DSG4: variants seen among roughly 807,000 people sequenced by gnomAD.
The protein encoded by DSG4 is desmoglein 4.
A neutral mutation model predicts 93.1 loss-of-function variants in DSG4; 87 were observed. That is an observed-to-expected ratio of 0.93 (90% CI 0.79 to 1.12). DSG4 has a LOEUF of 1.12. DSG4 is among the 50% of genes most tolerant of loss of function. DSG4 has a pLI of 0.00. For missense variants in DSG4, 1,373 were observed against 1,285.7 expected (o/e 1.07, Z -1.04); for synonymous variants, 432 against 452.9 (o/e 0.95, Z 0.59).
rs2072449028 is a variant in DSG4, at chr18:31,408,246, T to C, written c.1934-1206T>C. On this transcript the variant is annotated intron_variant, in intron 12 of 15. Coordinates refer to ENST00000308128, the MANE Select transcript of DSG4 (RefSeq NM_177986.5). ...CCAAATGAGATTACACATACAGTAA[T>C]TGTATTGGGTATGTGCTAAAAACAC... Among the ~76,000 whole-genome samples the C allele has an allele frequency of 2.0e-5, 3 of 152,272 alleles. 1 individual carries two copies. Among genetic ancestry groups the C allele is most frequent in the African/African-American group, 7.2e-5 (3 of 41,560 alleles).
intron 14 of DSG4, 52 bp from the exon 15 acceptor site, chr18:31,411,179 T>C (rs780164924): frequency 2.5e-6 from 4 of 1,614,130 alleles, no homozygotes; most frequent in Non-Finnish European, 3.4e-6. Flanking sequence ...TTTAGGCAGA[T>C]GCGCGCTGCA....
At chr18:31,402,674 G>C (rs192644366) in intron 10 of DSG4, among the ~76,000 whole-genome samples, 50 of 147,136 alleles carry the variant, frequency 3.4e-4, no homozygotes, top group African/African-American at 1.2e-3. Flanking sequence ...TTAAAAGCGA[G>C]AAAGCTAAGA....
intron 1 of DSG4, among the ~76,000 whole-genome samples, chr18:31,384,792 T>G (rs561384805): frequency 1.7e-4 from 26 of 152,278 alleles, no homozygotes; most frequent in African/African-American, 6.0e-4. Flanking sequence ...CAATTCCTCT[T>G]ATCAAACTAG....
intron 1 of DSG4, among the ~76,000 whole-genome samples, chr18:31,377,395 A>T (rs2072088449): frequency 6.6e-6 from 1 of 152,172 alleles, no homozygotes; most frequent in African/African-American, 2.4e-5. Context: ...AAAGTGGAGG[A>T]ATGATAGCCA....
intron 10 of DSG4, 121 bp from the exon 11 acceptor site, chr18:31,403,295 G>C (rs2072388585): frequency 2.4e-6 from 2 of 848,774 alleles, no homozygotes; most frequent in Admixed American, 2.0e-5. Context: ...GCAGGAACCT[G>C]TCAAGCCTCC....
At position 31,399,040 on chromosome 18, in the gene DSG4, T is replaced by C. The variant is rs116329753; in HGVS notation, c.1006-232T>C. On this transcript the variant is annotated intron_variant, in intron 8 of 15. Coordinates refer to ENST00000308128, the MANE Select transcript of DSG4 (RefSeq NM_177986.5). ...CCAAAACTCCAAAATTTTATTCCAA[T>C]TTAAAATCACAGCCTTAAATAATCT... Among the ~76,000 whole-genome samples, 338 of 152,330 alleles carry C rather than the reference T, an allele frequency of 2.2e-3. 2 individuals carry two copies. Among genetic ancestry groups the C allele is most frequent in the African/African-American group, 7.9e-3 (327 of 41,576 alleles).
In DSG4 at chr18:31,403,314, G is replaced by A. The variant is rs147145496; in HGVS notation, c.1418-102G>A. ...GAACCTGTCAAGCCTCCCAAGTCAC[G>A]TATATGTTTCCTACAAGTTCCATGG... is the stretch of plus-strand genomic sequence containing the variant. On this transcript the variant is annotated intron_variant, in intron 10 of 15. Transcript: ENST00000308128. The A allele has an allele frequency of 8.4e-4, 835 of 990,106 alleles. 13 individuals are homozygous for A. The East Asian group carries it at 0.02, about 24-fold the overall frequency. 61.3% of individuals were successfully genotyped at this position (990,106 alleles called of 1,614,324 possible).
intron 3 of DSG4, among the ~76,000 whole-genome samples, chr18:31,388,156 C>T (rs569380892): frequency 6.6e-6 from 1 of 152,154 alleles, no homozygotes; most frequent in East Asian, 1.9e-4. Flanking sequence ...TCATGTAATT[C>T]CCACAACAAA....
At chr18:31,381,718 G>T (rs930659194) in intron 1 of DSG4, among the ~76,000 whole-genome samples, 17 of 151,932 alleles carry the variant, frequency 1.1e-4, no homozygotes, top group Non-Finnish European at 2.1e-4. Context: ...GGAGTGCAAT[G>T]GTGCGATCTC....
intron 1 of DSG4, among the ~76,000 whole-genome samples, chr18:31,379,019 A>C (rs974280672): frequency 1.3e-5 from 2 of 152,208 alleles, no homozygotes; most frequent in Non-Finnish European, 2.9e-5. Flanking sequence ...CGCAAAGAGC[A>C]CTGTAAACAA....
chr18:31,403,515 T>A lies in DSG4; in HGVS notation c.1517T>A (p.Ile506Asn). Residue 506 changes from isoleucine (I) to asparagine (N), a missense_variant, in exon 11 of 16, where the codon ATT becomes AAT. By Grantham distance (149) the Ile-to-Asn change is moderately radical. Coordinates refer to ENST00000308128, the MANE Select transcript of DSG4 (RefSeq NM_177986.5). ...NIFPERRTIC[I>N]DSPSVLISVN... ...TTTCCTGAAAGAAGAACCATCTGCA[T>A]TGACTCTCCATCAGTCCTTATCTCT... 6.2e-7 allele frequency: 1 copy of A among 1,614,092 alleles called. No homozygotes were observed. Among genetic ancestry groups the A allele is most frequent in the Non-Finnish European group, 8.5e-7 (1 of 1,179,956 alleles).
chr18:31,401,069 T>C, intron 10 of DSG4, 49 bp downstream of exon 10: 1 of 1,427,558 alleles, frequency 7.0e-7, no homozygotes, highest in Non-Finnish European at 9.6e-7. Flanking sequence ...ACTATTATAT[T>C]AAATATTATG....
chr18:31,405,981 GT>G, intron 11 of DSG4, 95 bp from the exon 12 acceptor site: 1 of 1,414,636 alleles, frequency 7.1e-7, no homozygotes, highest in South Asian at 1.2e-5. Flanking sequence ...AAAATCTAGT[GT>G]TTTAAGTCAA....
At chr18:31,388,743 A>G in intron 4 of DSG4, 131 bp from the exon 5 acceptor site, 1 of 1,422,402 alleles carries the variant, frequency 7.0e-7, no homozygotes, top group Non-Finnish European at 9.8e-7. Flanking sequence ...TCATATTTAA[A>G]TTATTTGACT....
At position 31,403,379 on chromosome 18, in the gene DSG4, C is replaced by G. The variant is rs1285073942; in HGVS notation, c.1418-37C>G. ...ATGAGAAAGAGTTTTCTCCCTAACACCATTTACCTCAACACCAATGACCCT... is the reference window on the plus strand; with the variant it reads ...ATGAGAAAGAGTTTTCTCCCTAACAGCATTTACCTCAACACCAATGACCCT... On this transcript the variant is annotated intron_variant, in intron 10 of 15. Transcript: ENST00000308128. 3.9e-6 allele frequency: 6 copies of G among 1,543,094 alleles called. No homozygotes were observed. In the South Asian group the frequency reaches 6.8e-5, roughly 18 times the overall value.
At position 31,409,486 on chromosome 18, in the gene DSG4, A is replaced by T. The variant is rs747476302; in HGVS notation, c.1968A>T (p.Lys656Asn). 6.2e-7 allele frequency: 1 copy of T among 1,614,148 alleles called. No individual in the cohort carries two copies. Among genetic ancestry groups the T allele is most frequent in the South Asian group, 1.1e-5 (1 of 91,082 alleles). ...TCTTGCTGCTCCTGTGTTGCTGCAA[A>T]CAGAGACAGCCAGAAGGCCTGGGAA... ...APLLLLLCCCKQRQPEGLGTR... is the reference protein window; with the variant it reads ...APLLLLLCCCNQRQPEGLGTR... Residue 656 changes from lysine to asparagine, a missense_variant, in exon 13 of 16, where the codon AAA becomes AAT. Coordinates refer to ENST00000308128, the MANE Select transcript of DSG4 (RefSeq NM_177986.5).
rs1367680776 is a variant in DSG4 at position 31,409,456 on chromosome 18, T to A, written c.1938T>A (p.Ala646=). 1 of 1,614,052 alleles carries A rather than the reference T, an allele frequency of 6.2e-7. No homozygotes were observed. Among genetic ancestry groups the A allele is most frequent in the Non-Finnish European group, 8.5e-7 (1 of 1,180,046 alleles). The change falls in exon 13 of 16, where the codon GCT becomes GCA. Residue 646 remains alanine, a synonymous_variant. Coordinates refer to ENST00000308128, the MANE Select transcript of DSG4 (RefSeq NM_177986.5). ...MVLGILLLIL[A]PLLLLLCCCK... Reference sequence around the variant, plus strand: ...CATTGTCACTTTCTTGGGCAGTGGCTCCACTCTTGCTGCTCCTGTGTTGCT... The same window carrying A: ...CATTGTCACTTTCTTGGGCAGTGGCACCACTCTTGCTGCTCCTGTGTTGCT...
chr18:31,391,121 A>G lies in DSG4; in HGVS notation c.728A>G (p.Asp243Gly), dbSNP rs779565461. Residue 243 changes from aspartate to glycine, a missense_variant, in exon 7 of 16, where the codon GAT (aspartate) becomes GGT (glycine). Asp to Gly is a moderately conservative substitution (Grantham distance 94). Transcript: ENST00000308128. ...YNLVVRGSDR[D>G]GAADGLSSEC... ...CTGGTTGTGAGAGGCTCAGATCGGG[A>G]TGGAGCTGCAGATGGACTGTCTTCT... 2 of 1,613,808 alleles carry G rather than the reference A, an allele frequency of 1.2e-6. No homozygotes were observed. The highest frequency in any genetic ancestry group is 8.5e-7 in the Non-Finnish European group (1 of 1,179,784).
chr18:31,411,938 A>C (rs919054236), intron 15 of DSG4, among the ~76,000 whole-genome samples: 1 of 152,222 alleles, frequency 6.6e-6, no homozygotes, highest in Admixed American at 6.5e-5. Context: ...TAAGACCTAG[A>C]AGATAGCTCT....
Sources: gnomAD v4.1 joint callset for allele counts (sites outside exome capture counted in the v4.1 genomes callset) on GRCh38, gnomAD v4.1.1 for gene constraint, MANE v1.5 for transcripts, NCBI Gene and HGNC (gene_info 2026-07-23, HGNC 2026-07-21) for gene names.